Variants in KAZN observed in about 807,000 individuals in gnomAD.
KAZN encodes kazrin.
A neutral mutation model predicts 87.4 loss-of-function variants in KAZN; 40 were observed. That is an observed-to-expected ratio of 0.46 (90% CI 0.36 to 0.60). The LOEUF (loss-of-function observed/expected upper bound fraction) is 0.60, where lower values mean the gene tolerates loss of function less well. KAZN is among the 20% of genes least tolerant of loss of function. The pLI is 0.00. For missense variants in KAZN, 898 were observed against 1,073.9 expected (o/e 0.84, Z 2.29); for synonymous variants, 466 against 458.3 (o/e 1.02, Z -0.22).
intron 2 of KAZN, among the ~76,000 whole-genome samples, chr1:14,356,653 G>A (rs1402928348): frequency 1.3e-5 from 2 of 152,156 alleles, no homozygotes; most frequent in Non-Finnish European, 2.9e-5. Flanking sequence ...TGGCTAGCCA[G>A]TTTTCCCAAC....
chr1:14,370,320 C>T (rs1049979633), intron 2 of KAZN, among the ~76,000 whole-genome samples: 43 of 152,146 alleles, frequency 2.8e-4, no homozygotes, highest in African/African-American at 1.0e-3. Flanking sequence ...CCAGGCACTG[C>T]ACAGAACACA....
intron 1 of KAZN, among the ~76,000 whole-genome samples, chr1:14,600,127 C>T (rs994782048): frequency 6.6e-6 from 1 of 151,832 alleles, no homozygotes; most frequent in African/African-American, 2.4e-5. Context: ...TGCCTAATTG[C>T]CCTTTAAGAA....
At chr1:13,907,423 G>A (rs1020399115) in intron 1 of KAZN, among the ~76,000 whole-genome samples, 15 of 152,172 alleles carry the variant, frequency 9.9e-5, no homozygotes, top group East Asian at 5.8e-4. Flanking sequence ...CCCCAGCCCC[G>A]GGGTATGGGC....
intron 2 of KAZN, among the ~76,000 whole-genome samples, chr1:14,339,427 C>A (rs1657512493): frequency 6.6e-6 from 1 of 152,028 alleles, no homozygotes; most frequent in African/African-American, 2.4e-5. Flanking sequence ...AGAAACAGAA[C>A]CAGTAGGATG....
intron 1 of KAZN, among the ~76,000 whole-genome samples, chr1:13,960,517 C>A (rs1261697532): frequency 3.3e-5 from 5 of 152,138 alleles, no homozygotes; most frequent in Non-Finnish European, 5.9e-5. Flanking sequence ...AAATCAGAAC[C>A]ACAAACTCAC....
intron 2 of KAZN, among the ~76,000 whole-genome samples, chr1:14,579,484 G>A (rs1026088070): frequency 2.0e-5 from 3 of 151,992 alleles, no homozygotes; most frequent in Non-Finnish European, 4.4e-5. Context: ...AAGCAGCTGG[G>A]CGTGGTGGCG....
At chr1:14,501,974 G>C (rs1488965599) in intron 2 of KAZN, among the ~76,000 whole-genome samples, 2 of 152,180 alleles carry the variant, frequency 1.3e-5, no homozygotes, top group South Asian at 4.1e-4. Flanking sequence ...AGAATGAAGA[G>C]AGACTAGTAA....
intron 2 of KAZN, among the ~76,000 whole-genome samples, chr1:14,350,133 CA>C (rs111546286): frequency 0.063 from 6,316 of 100,404 alleles, 254 homozygotes; most frequent in East Asian, 0.21. Context: ...GACTCCATCT[CA>C]AAAAAAAAAA....
intron 2 of KAZN, among the ~76,000 whole-genome samples, chr1:14,481,147 G>A (rs1016391964): frequency 6.6e-6 from 1 of 151,894 alleles, no homozygotes. Flanking sequence ...AGGGCTGCAG[G>A]AGCCACCATC....
intron 2 of KAZN, among the ~76,000 whole-genome samples, chr1:14,419,250 A>G (rs1365823340): frequency 1.3e-5 from 2 of 152,216 alleles, no homozygotes; most frequent in Non-Finnish European, 2.9e-5. Context: ...AGTAAACTGA[A>G]GCCCAGAGAA....
At chr1:14,918,823 G>A (rs1450817030) in intron 1 of KAZN, among the ~76,000 whole-genome samples, 2 of 149,690 alleles carry the variant, frequency 1.3e-5, no homozygotes, top group Non-Finnish European at 3.0e-5. Context: ...CCTAGGTTGA[G>A]CCTCAAGTTG....
At chr1:14,260,999 A>G (rs552539783) in intron 2 of KAZN, among the ~76,000 whole-genome samples, 2 of 152,356 alleles carry the variant, frequency 1.3e-5, no homozygotes, top group East Asian at 3.9e-4. Context: ...TTACATGTGA[A>G]CACACACAGC....
chr1:14,654,370 G>C (rs554854028), intron 1 of KAZN, among the ~76,000 whole-genome samples: 1 of 152,156 alleles, frequency 6.6e-6, no homozygotes, highest in South Asian at 2.1e-4. Context: ...AATGCCATGA[G>C]GAGTTTGCTG....
In KAZN at chr1:14,966,774, C is replaced by T. The variant is rs148425850; in HGVS notation, c.418+5899C>T. 3.1e-3 allele frequency among the ~76,000 whole-genome samples: 468 copies of T among 152,232 alleles called. 3 individuals carry two copies. The highest frequency in any genetic ancestry group is 0.011 in the African/African-American group (449 of 41,556). On this transcript the variant is annotated intron_variant, in intron 2 of 14. Coordinates refer to ENST00000376030, the MANE Select transcript of KAZN (RefSeq NM_201628.3). ...GCAACCTCCGTCTCCTGGGTTCAGA[C>T]GATTCTCCTGTCTCAGCCCTGCGAG...
rs1573013402 is a variant in KAZN at position 14,996,751 on chromosome 1, T to C, written c.418+35876T>C. On this transcript the variant is annotated intron_variant, in intron 2 of 14. Transcript: ENST00000376030. This position sits in a 1 kb window ranked among gnomAD's most constrained non-coding sequence, Gnocchi z 5.9. ...CCCAGTCCCCAGGAGAAAGGGCTGA[T>C]GCTCCCAAAGGCAGGCCACTTGCAG... is the stretch of plus-strand genomic sequence containing the variant. Among the ~76,000 whole-genome samples, 1 of 152,178 alleles carries C rather than the reference T, an allele frequency of 6.6e-6. No homozygotes were observed. The highest frequency in any genetic ancestry group is 1.9e-4 in the East Asian group (1 of 5,186).
At chr1:14,059,809 G>A (rs1642716540) in intron 1 of KAZN, among the ~76,000 whole-genome samples, 2 of 152,224 alleles carry the variant, frequency 1.3e-5, no homozygotes, top group Non-Finnish European at 2.9e-5. Flanking sequence ...TTCAGGTCCA[G>A]GGTGCCTTAA....
chr1:14,365,890 A>G (rs1188933698), intron 2 of KAZN, among the ~76,000 whole-genome samples: 14 of 152,240 alleles, frequency 9.2e-5, no homozygotes, highest in Non-Finnish European at 2.9e-5. Context: ...CTCTTATGGC[A>G]TATTGCTAAT....
chr1:14,101,613 G>A (rs1005706334), intron 1 of KAZN, among the ~76,000 whole-genome samples: 1 of 152,148 alleles, frequency 6.6e-6, no homozygotes, highest in African/African-American at 2.4e-5. Context: ...GGACATTTGT[G>A]TTGTCTAAGT....
At chr1:14,551,736 T>C (rs910298722) in intron 2 of KAZN, among the ~76,000 whole-genome samples, 3 of 152,070 alleles carry the variant, frequency 2.0e-5, no homozygotes, top group African/African-American at 7.2e-5. Context: ...GTCCCCATGC[T>C]CAAACCCCAG....
Sources: gnomAD v4.1 joint callset for allele counts (sites outside exome capture counted in the v4.1 genomes callset) on GRCh38, gnomAD v4.1.1 for gene constraint, Gnocchi (gnomAD v3.1) non-coding constraint, MANE v1.5 for transcripts, NCBI Gene and HGNC (gene_info 2026-07-23, HGNC 2026-07-21) for gene names.